Variants in RIMS1 observed in about 807,000 individuals in gnomAD.
RIMS1 encodes regulating synaptic membrane exocytosis 1.
A neutral mutation model predicts 214.1 loss-of-function variants in RIMS1; 83 were observed. That is an observed-to-expected ratio of 0.39 (90% CI 0.32 to 0.47). RIMS1 has a LOEUF of 0.47. Ranked by LOEUF, RIMS1 falls within the 20% of genes least tolerant of loss-of-function variation. The pLI, the probability that RIMS1 is intolerant of heterozygous loss-of-function variation, is 0.99. For missense variants in RIMS1, 2,050 were observed against 2,161.8 expected (o/e 0.95, Z 1.03); for synonymous variants, 793 against 786.8 (o/e 1.01, Z -0.13).
At chr6:72,332,868 T>C (rs1050809652) in intron 28 of RIMS1, among the ~76,000 whole-genome samples, 1 of 151,442 alleles carries the variant, frequency 6.6e-6, no homozygotes, top group Non-Finnish European at 1.5e-5. Context: ...TCAGGTAAAC[T>C]GGTACAAGCT....
At chr6:72,045,201 C>T (rs1419567308) in intron 2 of RIMS1, among the ~76,000 whole-genome samples, 1 of 151,582 alleles carries the variant, frequency 6.6e-6, no homozygotes, top group Non-Finnish European at 1.5e-5. Context: ...GAATTGACTG[C>T]AAAGGGATAT....
At chr6:72,289,363 A>G (rs1452688736) in intron 24 of RIMS1, among the ~76,000 whole-genome samples, 4 of 152,208 alleles carry the variant, frequency 2.6e-5, no homozygotes, top group Non-Finnish European at 4.4e-5. Context: ...AATTCATTCT[A>G]TGTAGTTGAG....
At chr6:72,081,329 A>G (rs2153773532) in intron 2 of RIMS1, among the ~76,000 whole-genome samples, 1 of 152,288 alleles carries the variant, frequency 6.6e-6, no homozygotes, top group Middle Eastern at 3.4e-3. Flanking sequence ...GTTGACTTGG[A>G]ATTAGATCAT....
intron 28 of RIMS1, among the ~76,000 whole-genome samples, chr6:72,321,808 A>G (rs2096183222): frequency 6.6e-6 from 1 of 152,046 alleles, no homozygotes; most frequent in South Asian, 2.1e-4. Flanking sequence ...TTCACCAAGA[A>G]TCAGTTATCC....
rs371833627 is a variant in RIMS1 at position 72,393,499 on chromosome 6, C to T, written c.4618+689C>T. On this transcript the variant is annotated intron_variant, in intron 31 of 33. Transcript: ENST00000521978. ...CAGCACTTTGGGAGGCCGAGACAGG[C>T]GGATCACGAGGTCAGGAGACCGAGA... 4.3e-4 allele frequency among the ~76,000 whole-genome samples: 66 copies of T among 152,124 alleles called. 1 individual carries two copies. The highest frequency in any genetic ancestry group is 1.5e-3 in the African/African-American group (61 of 41,498).
At chr6:72,033,357 C>A (rs995869277) in intron 2 of RIMS1, among the ~76,000 whole-genome samples, 1 of 152,218 alleles carries the variant, frequency 6.6e-6, no homozygotes, top group Admixed American at 6.5e-5. Context: ...ATTGCTTGCC[C>A]TACCCTGGGC....
intron 1 of RIMS1, among the ~76,000 whole-genome samples, chr6:71,894,366 A>G (rs1770962212): frequency 6.6e-6 from 1 of 152,168 alleles, no homozygotes; most frequent in South Asian, 2.1e-4. Context: ...GAATCGCTTG[A>G]AACCAGGAGG....
At chr6:72,185,426 GA>G (rs952536055) in intron 6 of RIMS1, among the ~76,000 whole-genome samples, 17 of 150,862 alleles carry the variant, frequency 1.1e-4, no homozygotes, top group African/African-American at 2.7e-4. Flanking sequence ...TGGATATGAT[GA>G]AAAAAAAAGG....
At chr6:72,180,178 T>C (rs1321840201) in intron 5 of RIMS1, among the ~76,000 whole-genome samples, 1 of 152,184 alleles carries the variant, frequency 6.6e-6, no homozygotes, top group East Asian at 1.9e-4. Flanking sequence ...CTTCCAATGA[T>C]GAACTCAGAA....
At position 72,170,685 on chromosome 6, in the gene RIMS1, G is replaced by A. The variant is rs143616899; in HGVS notation, c.472-8890G>A. ...CTTTTTTCACTAGAACATAAACTCC[G>A]TGGGGAGAATTTTTGTCTATTTTTT... On this transcript the variant is annotated intron_variant, in intron 4 of 33. Transcript: ENST00000521978. Among the ~76,000 whole-genome samples, 495 of 152,208 alleles carry A rather than the reference G, an allele frequency of 3.3e-3. 7 individuals carry two copies. The highest frequency in any genetic ancestry group is 0.011 in the African/African-American group (449 of 41,506).
chr6:72,386,101 T>G lies in RIMS1; in HGVS notation c.4367-4497T>G, dbSNP rs577606918. 2.6e-5 allele frequency among the ~76,000 whole-genome samples: 4 copies of G among 152,322 alleles called. No homozygotes were observed. The East Asian group carries it at 7.7e-4, about 29-fold the overall frequency. ...TGATATTTTTCAAGCATTTGTGTCC[T>G]TTACACCGTGGAAGCTATTAAAGTT... On this transcript the variant is annotated intron_variant, in intron 29 of 33. Transcript: ENST00000521978.
chr6:72,190,096 C>T (rs2049814645), intron 6 of RIMS1, among the ~76,000 whole-genome samples: 1 of 152,144 alleles, frequency 6.6e-6, no homozygotes, highest in African/African-American at 2.4e-5. Context: ...AGTGTACAAC[C>T]AGGTACACTG....
intron 1 of RIMS1, among the ~76,000 whole-genome samples, chr6:71,890,925 G>A (rs1185538743): frequency 6.6e-6 from 1 of 152,082 alleles, no homozygotes; most frequent in Non-Finnish European, 1.5e-5. Flanking sequence ...ACATAACATG[G>A]TCCAATCATG....
chr6:71,965,575 A>G (rs1351023535), intron 1 of RIMS1, among the ~76,000 whole-genome samples: 1 of 152,164 alleles, frequency 6.6e-6, no homozygotes, highest in East Asian at 1.9e-4. Flanking sequence ...CATTCATCGC[A>G]TTGATTGCAG....
chr6:72,396,597 A>G (rs767405986), intron 31 of RIMS1, among the ~76,000 whole-genome samples: 15 of 152,228 alleles, frequency 9.9e-5, no homozygotes, highest in Non-Finnish European at 1.8e-4. Flanking sequence ...TATGACATTC[A>G]TGTAATGGAA....
At chr6:71,914,458 G>A (rs1402164957) in intron 1 of RIMS1, among the ~76,000 whole-genome samples, 2 of 152,042 alleles carry the variant, frequency 1.3e-5, no homozygotes, top group Admixed American at 6.6e-5. Context: ...AAAAAGGTTA[G>A]GTTGAATTAG....
intron 2 of RIMS1, among the ~76,000 whole-genome samples, chr6:72,041,104 A>G (rs1156529394): frequency 6.6e-6 from 1 of 151,932 alleles, no homozygotes; most frequent in Admixed American, 6.6e-5. Flanking sequence ...GTATGCACAT[A>G]GGAATACACA....
At chr6:72,268,783 A>G (rs567576900) in intron 22 of RIMS1, among the ~76,000 whole-genome samples, 5 of 152,354 alleles carry the variant, frequency 3.3e-5, no homozygotes, top group African/African-American at 1.2e-4. Context: ...TTGATTACAC[A>G]GATGGAAAAC....
At chr6:72,077,961 G>A (rs1013348595) in intron 2 of RIMS1, among the ~76,000 whole-genome samples, 1 of 152,160 alleles carries the variant, frequency 6.6e-6, no homozygotes, top group Non-Finnish European at 1.5e-5. Flanking sequence ...TTAGATGATA[G>A]TGAAATTTTC....
Sources: allele counts gnomAD v4.1 joint callset (sites outside exome capture counted in the v4.1 genomes callset), GRCh38; gene constraint gnomAD v4.1.1; transcripts MANE v1.5; gene names NCBI Gene and HGNC (gene_info 2026-07-23, HGNC 2026-07-21).